The following WDR72 variants were observed in gnomAD, a reference collection of about 807,000 sequenced individuals.
WDR72 encodes WD repeat domain 72.
WDR72 carries 120 observed loss-of-function variants against 124.2 expected under a neutral mutation model. The observed-to-expected ratio is 0.97, with a 90% CI of 0.83 to 1.12. WDR72 has a LOEUF of 1.12. WDR72 is among the 50% of genes most tolerant of loss of function. The pLI is 0.00. For synonymous variants in WDR72, 452 were observed against 441.7 expected, an observed-to-expected ratio of 1.02 and a Z score of -0.29; for missense variants, 1,387 against 1,278.8, an observed-to-expected ratio of 1.08 and a Z score of -1.29.
intron 14 of WDR72, among the ~76,000 whole-genome samples, chr15:53,649,428 G>T (rs1352045900): frequency 6.6e-6 from 1 of 151,956 alleles, no homozygotes; most frequent in East Asian, 1.9e-4. Context: ...TATAAAGAAA[G>T]CAATTTTATG....
intron 17 of WDR72, among the ~76,000 whole-genome samples, chr15:53,607,992 A>C (rs565947687): frequency 1.3e-5 from 2 of 152,336 alleles, no homozygotes; most frequent in East Asian, 3.9e-4. Flanking sequence ...GCTTATATCC[A>C]AAATACAGGC....
chr15:53,583,846 G>T (rs1288963635), intron 18 of WDR72, among the ~76,000 whole-genome samples: 2 of 152,018 alleles, frequency 1.3e-5, no homozygotes, highest in Non-Finnish European at 2.9e-5. Context: ...GGCTTGAAGA[G>T]ATGGATCATG....
chr15:53,644,538 A>G (rs1394568258), intron 14 of WDR72, among the ~76,000 whole-genome samples: 1 of 151,306 alleles, frequency 6.6e-6, no homozygotes, highest in African/African-American at 2.5e-5. Flanking sequence ...ATAAGCATAT[A>G]GGTGTATACT....
intron 17 of WDR72, among the ~76,000 whole-genome samples, chr15:53,597,494 A>G (rs939108133): frequency 6.6e-6 from 1 of 152,162 alleles, no homozygotes; most frequent in African/African-American, 2.4e-5. Flanking sequence ...AGATTCTAAA[A>G]GGATACTTGA....
intron 18 of WDR72, among the ~76,000 whole-genome samples, chr15:53,581,198 T>C (rs190444335): frequency 2.6e-5 from 4 of 152,206 alleles, no homozygotes; most frequent in African/African-American, 9.6e-5. Flanking sequence ...ATTTTGTTCA[T>C]GTAAAATTCT....
chr15:53,704,865 A>T, intron 11 of WDR72, 123 bp downstream of exon 11: 2 of 1,088,380 alleles, frequency 1.8e-6, no homozygotes, highest in Non-Finnish European at 2.6e-6. Flanking sequence ...ACATTAAAAT[A>T]TGTACATATT....
intron 17 of WDR72, among the ~76,000 whole-genome samples, chr15:53,602,858 G>GA (rs879607488): frequency 1.3e-5 from 2 of 151,620 alleles, no homozygotes; most frequent in Admixed American, 1.3e-4. Context: ...CTTACCAACC[G>GA]AAAAAAGCCC....
chr15:53,657,163 G>C (rs516575), intron 14 of WDR72, among the ~76,000 whole-genome samples: 13,728 of 150,274 alleles, frequency 0.091, 1,662 homozygotes, highest in African/African-American at 0.28. Context: ...ACTCGGGAGG[G>C]TGAGGCAGGA....
intron 18 of WDR72, among the ~76,000 whole-genome samples, chr15:53,549,824 T>G (rs947858145): frequency 6.6e-6 from 1 of 152,214 alleles, no homozygotes; most frequent in Non-Finnish European, 1.5e-5. Flanking sequence ...GCCCAGACTT[T>G]GGCCTTATTT....
In WDR72 at chr15:53,716,677, C is replaced by T. The variant is rs777609558; in HGVS notation, c.269G>A (p.Cys90Tyr). Residue 90 changes from cysteine to tyrosine, a missense_variant, in exon 4 of 20, where the codon TGT becomes TAT. By Grantham distance (194) the Cys-to-Tyr change is radical. Transcript: ENST00000360509. ...IVSAAENGEM[C>Y]VWNVTNGQCM... ...CTGTCCATTGGTGACATTCCAAACA[C>T]ACATCTCCCTAGCAGAAGATAACTT... The T allele has an allele frequency of 3.1e-6, 5 of 1,591,840 alleles. No individual in the cohort carries two copies. Among genetic ancestry groups the T allele is most frequent in the Non-Finnish European group, 4.3e-6 (5 of 1,165,628 alleles).
intron 15 of WDR72, among the ~76,000 whole-genome samples, chr15:53,614,457 CTA>C (rs2013676035): frequency 6.6e-6 from 1 of 152,070 alleles, no homozygotes; most frequent in Non-Finnish European, 1.5e-5. Flanking sequence ...GAAGCAGTCT[CTA>C]ATCCTGACAC....
chr15:53,698,781 C>T (rs1376546453), intron 13 of WDR72, among the ~76,000 whole-genome samples: 1 of 152,176 alleles, frequency 6.6e-6, no homozygotes, highest in East Asian at 1.9e-4. Flanking sequence ...TTATGTATCA[C>T]ATCTGCAAAT....
chr15:53,682,264 A>ATT (rs1222780232), intron 13 of WDR72, among the ~76,000 whole-genome samples: 16 of 151,532 alleles, frequency 1.1e-4, no homozygotes, highest in Non-Finnish European at 3.0e-5. Context: ...CAAAGTGGAG[A>ATT]TCCATGTTCA....
intron 18 of WDR72, among the ~76,000 whole-genome samples, chr15:53,549,355 G>A (rs538952339): frequency 1.1e-4 from 16 of 152,262 alleles, no homozygotes; most frequent in South Asian, 2.1e-4. Context: ...GAACTAGAGT[G>A]TAGCTGATAG....
At chr15:53,547,218 C>T (rs1893514394) in intron 18 of WDR72, among the ~76,000 whole-genome samples, 1 of 152,140 alleles carries the variant, frequency 6.6e-6, no homozygotes, top group Non-Finnish European at 1.5e-5. Context: ...ATGGAAACAC[C>T]AAGTCCTGGG....
At chr15:53,594,853 C>T (rs980954697) in intron 18 of WDR72, among the ~76,000 whole-genome samples, 1 of 134,478 alleles carries the variant, frequency 7.4e-6, no homozygotes, top group African/African-American at 2.8e-5. Context: ...AGTATAAAAA[C>T]ATTTCCTGTA....
At chr15:53,610,741 G>A (rs916616221) in intron 16 of WDR72, among the ~76,000 whole-genome samples, 9 of 151,934 alleles carry the variant, frequency 5.9e-5, no homozygotes, top group Admixed American at 5.9e-4. Flanking sequence ...AATGTAAAAT[G>A]ACCAAGAACA....
chr15:53,634,577 G>A (rs1224323121), intron 14 of WDR72, among the ~76,000 whole-genome samples: 7 of 152,278 alleles, frequency 4.6e-5, no homozygotes, highest in East Asian at 3.9e-4. Context: ...GTCCTGGGCC[G>A]CATGCAGCCC....
chr15:53,747,913 G>T (rs1360594763), intron 1 of WDR72, among the ~76,000 whole-genome samples: 1 of 151,628 alleles, frequency 6.6e-6, no homozygotes, highest in Non-Finnish European at 1.5e-5. Flanking sequence ...AAAGCTCAAA[G>T]TTCAGGCTTT....
Sources: allele counts gnomAD v4.1 joint callset (sites outside exome capture counted in the v4.1 genomes callset), GRCh38; gene constraint gnomAD v4.1.1; transcripts MANE v1.5; gene names NCBI Gene and HGNC (gene_info 2026-07-23, HGNC 2026-07-21).